GPR89B: variants seen among roughly 807,000 people sequenced by gnomAD.
GPR89B encodes golgi pH regulator B, also known as G protein-coupled receptor 89B.
Under a neutral mutation model 52.4 loss-of-function variants are expected in GPR89B, and 25 were observed. That is an observed-to-expected ratio of 0.48 (90% confidence interval 0.35 to 0.67). The LOEUF (loss-of-function observed/expected upper bound fraction) is 0.67, where lower values mean the gene tolerates loss of function less well. Among genes scored for constraint, GPR89B ranks in the 30% least tolerant of loss-of-function variants. GPR89B has a pLI of 0.01. For synonymous variants in GPR89B, 52 were observed against 151.2 expected (o/e 0.34, Z 4.81); for missense variants, 146 against 450.2 (o/e 0.32, Z 6.11).
chr1:147,944,048 A>G lies in GPR89B; in HGVS notation c.365A>G (p.Tyr122Cys). Reference sequence around the variant, plus strand: ...TGTCTCTTATGGCTGACCTTTATGTATTTCTTCTGGAAACTAGGAGATCCC... The same window carrying G: ...TGTCTCTTATGGCTGACCTTTATGTGTTTCTTCTGGAAACTAGGAGATCCC... ...FSCLLWLTFM[Y>C]FFWKLGDPFP... Residue 122 changes from tyrosine (Y) to cysteine (C), a missense_variant, in exon 5 of 14, where the codon TAT (tyrosine) becomes TGT (cysteine). Physicochemically the swap from Tyr to Cys is radical, Grantham distance 194 (BLOSUM62 -2). Transcript: ENST00000314163. 1 of 1,577,930 alleles carries G rather than the reference A, an allele frequency of 6.3e-7. No homozygotes were observed. The highest frequency in any genetic ancestry group is 8.6e-7 in the Non-Finnish European group (1 of 1,168,470).
At chr1:147,931,198 G>A (rs1409958710) in intron 1 of GPR89B, among the ~76,000 whole-genome samples, 1 of 151,936 alleles carries the variant, frequency 6.6e-6, no homozygotes, top group African/African-American at 2.4e-5. Context: ...ATCCAAGAAA[G>A]GTGTCTTTTA....
chr1:147,999,017 C>G, the GPR89B span, among the ~76,000 whole-genome samples: 1 of 151,914 alleles, frequency 6.6e-6, no homozygotes, highest in Admixed American at 6.6e-5. Context: ...CCACCCCAAC[C>G]TACAGGTCTT....
the GPR89B span, among the ~76,000 whole-genome samples, chr1:148,006,296 C>G: frequency 7.3e-3 from 1,102 of 151,226 alleles, 9 homozygotes; most frequent in African/African-American, 0.026. Flanking sequence ...CTTTACCATT[C>G]TCTCCTCTTC....
At chr1:148,004,114 A>G in the GPR89B span, 14 of 468,530 alleles carry the variant, frequency 3.0e-5, no homozygotes, top group Admixed American at 4.2e-4. Context: ...CCTGAGTTTA[A>G]GCTGTTACAC....
At chr1:147,954,775 A>G (rs1260475570) in intron 7 of GPR89B, among the ~76,000 whole-genome samples, 1 of 152,220 alleles carries the variant, frequency 6.6e-6, no homozygotes, top group Admixed American at 6.5e-5. Context: ...AATTATTAGA[A>G]TTTTTTTGTT....
chr1:147,959,166 A>T (rs1160378491), intron 7 of GPR89B, among the ~76,000 whole-genome samples: 7 of 152,142 alleles, frequency 4.6e-5, no homozygotes, highest in Non-Finnish European at 1.0e-4. Flanking sequence ...CAAAAAAGTT[A>T]ATGGTTTAAA....
intron 7 of GPR89B, among the ~76,000 whole-genome samples, chr1:147,963,583 T>C (rs1656801697): frequency 6.6e-6 from 1 of 152,070 alleles, no homozygotes; most frequent in African/African-American, 2.4e-5. Context: ...CATAACCACA[T>C]GAAAAGGTGT....
chr1:147,932,612 G>C (rs148622215), intron 1 of GPR89B, among the ~76,000 whole-genome samples: 4 of 151,928 alleles, frequency 2.6e-5, no homozygotes, highest in African/African-American at 4.8e-5. Flanking sequence ...ACCATGCCTC[G>C]TACTTACTCA....
chr1:148,025,551 A>AAAG, the GPR89B span, among the ~76,000 whole-genome samples: 1 of 147,518 alleles, frequency 6.8e-6, no homozygotes, highest in East Asian at 2.0e-4. Context: ...AAAAAAAAAA[A>AAAG]GAATCTTAGG....
downstream of GPR89B, chr1:147,993,848 C>T (rs1341498968): frequency 6.5e-6 from 1 of 154,956 alleles, no homozygotes. Context: ...ATCAAGCATA[C>T]TCAAAAGGCA....
chr1:147,997,699 ATCTG>A (rs1292519655), downstream of GPR89B, among the ~76,000 whole-genome samples: 1 of 151,436 alleles, frequency 6.6e-6, no homozygotes, highest in African/African-American at 2.4e-5. Context: ...ATCCTACTAG[ATCTG>A]TCTCTCTGGA....
At chr1:148,004,461 G>T in the GPR89B span, among the ~76,000 whole-genome samples, 1 of 143,564 alleles carries the variant, frequency 7.0e-6, no homozygotes, top group African/African-American at 2.6e-5. Context: ...CACCGCGCCC[G>T]GCCCCTATCT....
Position 147,949,970 on chromosome 1 carries a change from G to A in GPR89B, c.416-3375G>A, listed in dbSNP as rs1450605892. On this transcript the variant is annotated intron_variant, in intron 5 of 13. Transcript: ENST00000314163. Reference sequence around the variant, plus strand: ...CCGGACGGTGCGGCTGGCCGGGTGTGGGGCTGACCCCCCCACCTCCCTCCC... The same window carrying A: ...CCGGACGGTGCGGCTGGCCGGGTGTAGGGCTGACCCCCCCACCTCCCTCCC... 5.6e-5 allele frequency among the ~76,000 whole-genome samples: 8 copies of A among 143,910 alleles called. 1 individual carries two copies. The highest frequency in any genetic ancestry group is 1.9e-4 in the African/African-American group (7 of 37,410). 94.4% of individuals were successfully genotyped at this position (143,910 alleles called of 152,430 possible). A position where few individuals can be genotyped will look rare whatever the true frequency, so the allele number is the denominator to read the frequency against.
chr1:147,961,622 C>T (rs1261487011), intron 7 of GPR89B, among the ~76,000 whole-genome samples: 9 of 150,600 alleles, frequency 6.0e-5, no homozygotes, highest in South Asian at 4.2e-4. Context: ...CTGAGAGCAA[C>T]GTAACAAGAC....
chr1:148,002,982 A>C, the GPR89B span, among the ~76,000 whole-genome samples: 2 of 152,160 alleles, frequency 1.3e-5, no homozygotes, highest in African/African-American at 4.8e-5. Context: ...GAATTATCAC[A>C]GTGCTTGATC....
intron 7 of GPR89B, among the ~76,000 whole-genome samples, chr1:147,961,718 C>G (rs1391504919): frequency 6.6e-6 from 1 of 152,076 alleles, no homozygotes; most frequent in African/African-American, 2.4e-5. Context: ...TTTAAATACA[C>G]TACTTACAAT....
At chr1:148,006,948 C>T in the GPR89B span, among the ~76,000 whole-genome samples, 17 of 151,792 alleles carry the variant, frequency 1.1e-4, no homozygotes, top group African/African-American at 4.1e-4. Flanking sequence ...AACTCCTGAC[C>T]TCAGGTAATC....
intron 10 of GPR89B, among the ~76,000 whole-genome samples, chr1:147,983,160 AC>A (rs1266513486): frequency 3.3e-5 from 5 of 152,328 alleles, no homozygotes; most frequent in African/African-American, 1.2e-4. Flanking sequence ...TACACCTTAT[AC>A]AAAAATTAAT....
At chr1:147,969,017 A>G (rs1657233147) in intron 9 of GPR89B, 54 bp downstream of exon 9, 3 of 1,433,582 alleles carry the variant, frequency 2.1e-6, no homozygotes, top group African/African-American at 2.9e-5. Context: ...TAAAGAGAGA[A>G]CAAGACTAAA....
Sources: allele counts gnomAD v4.1 joint callset (sites outside exome capture counted in the v4.1 genomes callset), GRCh38; gene constraint gnomAD v4.1.1; transcripts MANE v1.5; gene names NCBI Gene and HGNC (gene_info 2026-07-23, HGNC 2026-07-21).